The following GCC2 variants were observed in gnomAD, a reference collection of about 807,000 sequenced individuals.
GCC2 encodes GRIP and coiled-coil domain containing 2.
Under a neutral mutation model 210.6 loss-of-function variants are expected in GCC2, and 120 were observed. The ratio of observed to expected loss-of-function variants is 0.57; its 90% CI spans 0.49 to 0.66. The LOEUF (loss-of-function observed/expected upper bound fraction) is 0.66. Ranked by LOEUF, GCC2 falls within the 30% of genes least tolerant of loss-of-function variation. The pLI, the probability that GCC2 is intolerant of heterozygous loss-of-function variation, is 0.00. For missense variants in GCC2, 1,868 were observed against 1,871.9 expected (o/e 1.00, Z 0.04); for synonymous variants, 703 against 652.7 (o/e 1.08, Z -1.17).
In GCC2 at chr2:108,452,481, G is replaced by C; in HGVS notation, c.216+15G>C. ...ATATTATTAAGGTAATTATTACGTTGGGAAATGTCTAAAGAGAAATAAAAT... is the reference window on the plus strand; with the variant it reads ...ATATTATTAAGGTAATTATTACGTTCGGAAATGTCTAAAGAGAAATAAAAT... On this transcript the variant is annotated intron_variant, in intron 4 of 22. Transcript: ENST00000309863. 1 of 1,419,014 alleles carries C rather than the reference G, an allele frequency of 7.0e-7. No homozygotes were observed. The highest frequency in any genetic ancestry group is 1.2e-5 in the South Asian group (1 of 86,256). The allele number at this position is 1,419,014 out of a possible 1,614,324, so 87.9% of individuals were successfully genotyped here.
chr2:108,475,411 A>T (rs997485531), intron 7 of GCC2, 124 bp from the exon 8 acceptor site: 1 of 514,820 alleles, frequency 1.9e-6, no homozygotes, highest in Admixed American at 3.8e-5. Flanking sequence ...TACTGTTTTT[A>T]CTGCTTATTT....
rs116082728 is a variant in GCC2 at position 108,506,814 on chromosome 2, G to A, written c.4985-746G>A. Among the ~76,000 whole-genome samples, 794 of 151,992 alleles carry A rather than the reference G, an allele frequency of 5.2e-3. 2 individuals are homozygous for A. Among genetic ancestry groups the A allele is most frequent in the Middle Eastern group, 0.031 (9 of 294 alleles). ...TAATGGAGAAAGACAAATAATGTTCGAGAACAGACATTGATTCATAACATC... is the reference window on the plus strand; with the variant it reads ...TAATGGAGAAAGACAAATAATGTTCAAGAACAGACATTGATTCATAACATC... On this transcript the variant is annotated intron_variant, in intron 22 of 22. Transcript: ENST00000309863.
At position 108,471,463 on chromosome 2, in the gene GCC2, T is replaced by C; in HGVS notation, c.2134T>C (p.Leu712=). Residue 712 remains leucine, a synonymous_variant, in exon 6 of 23, where the codon TTG becomes CTG. Coordinates refer to ENST00000309863, the MANE Select transcript of GCC2 (RefSeq NM_181453.4). ...GTTGAGTAGGGATTTGGAGGTTTTTTTGTCTCAAAAAGAAGATGTTATCCT... is the reference window on the plus strand; with the variant it reads ...GTTGAGTAGGGATTTGGAGGTTTTTCTGTCTCAAAAAGAAGATGTTATCCT... ...KQLSRDLEVF[L]SQKEDVILKE... The C allele has an allele frequency of 6.2e-7, 1 of 1,610,212 alleles. No individual in the cohort carries two copies. The highest frequency in any genetic ancestry group is 1.3e-5 in the African/African-American group (1 of 74,780).
chr2:108,483,099 A>T lies in GCC2; in HGVS notation c.3383A>T (p.Gln1128Leu). ...ATTVNELEEL[Q>L]VQLQKQKKQL... ...ACTGTAAATGAACTTGAAGAACTTC[A>T]GGTACAACTTCAAAAGCAAAAGAAA... is the stretch of plus-strand genomic sequence containing the variant. The change falls in exon 12 of 23, where the codon CAG becomes CTG. Residue 1128 changes from glutamine (Q) to leucine (L), a missense_variant. Gln to Leu is a moderately radical substitution (Grantham distance 113). Coordinates refer to ENST00000309863, the MANE Select transcript of GCC2 (RefSeq NM_181453.4). 6.3e-7 allele frequency: 1 copy of T among 1,594,774 alleles called. No homozygotes were observed. The highest frequency in any genetic ancestry group is 1.3e-5 in the African/African-American group (1 of 74,602).
intron 4 of GCC2, among the ~76,000 whole-genome samples, chr2:108,456,175 TG>T (rs1680266221): frequency 6.6e-6 from 1 of 152,068 alleles, no homozygotes; most frequent in South Asian, 2.1e-4. Flanking sequence ...TTAGTAGAGA[TG>T]GGGTTTCACC....
At position 108,497,123 on chromosome 2, in the gene GCC2, A is replaced by G; in HGVS notation, c.4782+14A>G. The G allele has an allele frequency of 6.2e-7, 1 of 1,611,020 alleles. No individual in the cohort carries two copies. The highest frequency in any genetic ancestry group is 8.5e-7 in the Non-Finnish European group (1 of 1,179,128). On this transcript the variant is annotated intron_variant, in intron 21 of 22. Transcript: ENST00000309863. ...GAGCAAATTAAGGTGAGATCAGAAA[A>G]CCTGGCCGCCGTGAAAACCGCCAGT...
At chr2:108,506,895 TG>T (rs1381717189) in intron 22 of GCC2, among the ~76,000 whole-genome samples, 1 of 152,144 alleles carries the variant, frequency 6.6e-6, no homozygotes, top group Admixed American at 6.5e-5. Context: ...TCTTATGTGC[TG>T]GTAGGATTGT....
In GCC2 at chr2:108,451,119, G is replaced by C; in HGVS notation, c.148+7G>C. On this transcript the variant is annotated splice_region_variant and intron_variant, in intron 3 of 22. Transcript: ENST00000309863. ...GCTAAATCAAGGTGTACAGGTATTG[G>C]GTTGAAAATACTCATCTTGATCACA... 1 of 1,546,982 alleles carries C rather than the reference G, an allele frequency of 6.5e-7. No homozygotes were observed. Among genetic ancestry groups the C allele is most frequent in the Non-Finnish European group, 8.9e-7 (1 of 1,122,072 alleles).
At chr2:108,476,626 T>C (rs1681541160) in intron 9 of GCC2, among the ~76,000 whole-genome samples, 1 of 152,090 alleles carries the variant, frequency 6.6e-6, no homozygotes, top group Non-Finnish European at 1.5e-5. Context: ...AAATGTATTA[T>C]TAAAAAGATA....
At position 108,472,047 on chromosome 2, in the gene GCC2, T is replaced by C; in HGVS notation, c.2718T>C (p.His906=). The C allele has an allele frequency of 1.9e-6, 3 of 1,590,784 alleles. No homozygotes were observed. The highest frequency in any genetic ancestry group is 2.6e-6 in the Non-Finnish European group (3 of 1,173,654). The part of the protein sequence containing the change: ...NEKEKCFIKE[H]ENLKPLLEQK... ...AAGAAAAATGTTTTATAAAGGAACA[T>C]GAAAACCTAAAGCCACTACTAGAAC... Residue 906 remains histidine, a synonymous_variant, in exon 6 of 23, where the codon CAT becomes CAC. Coordinates refer to ENST00000309863, the MANE Select transcript of GCC2 (RefSeq NM_181453.4).
Position 108,466,337 on chromosome 2 carries a change from G to A in GCC2, c.217-2643G>A, listed in dbSNP as rs961405405. Among the ~76,000 whole-genome samples, 20 of 150,976 alleles carry A rather than the reference G, an allele frequency of 1.3e-4. No individual in the cohort carries two copies. In the South Asian group the frequency reaches 2.3e-3, roughly 18 times the overall value. On this transcript the variant is annotated intron_variant, in intron 4 of 22. Transcript: ENST00000309863. ...ATTACAGGCATCAGCCACCACACCCGGCCAACATCCATTTTCTTAATGGGC... is the reference window on the plus strand; with the variant it reads ...ATTACAGGCATCAGCCACCACACCCAGCCAACATCCATTTTCTTAATGGGC...
chr2:108,472,085 G>A lies in GCC2; in HGVS notation c.2756G>A (p.Arg919Gln), dbSNP rs751461574. Residue 919 changes from arginine to glutamine, a missense_variant, in exon 6 of 23, where the codon CGA (arginine) becomes CAA (glutamine). Physicochemically the swap from Arg to Gln is conservative, Grantham distance 43. This residue lies in a region of GCC2 where 1,847 missense variants were observed against 1,765.2 expected (regional missense o/e 1.05). Coordinates refer to ENST00000309863, the MANE Select transcript of GCC2 (RefSeq NM_181453.4). The part of the protein sequence containing the change: ...LKPLLEQKEL[R>Q]DRRAELILLK... ...CCACTACTAGAACAAAAAGAATTAC[G>A]AGATAGGAGAGCAGAGTTGATACTA... 10 of 1,559,306 alleles carry A rather than the reference G, an allele frequency of 6.4e-6. No homozygotes were observed. The highest frequency in any genetic ancestry group is 2.8e-5 in the African/African-American group (2 of 72,126).
At chr2:108,449,393 C>G in intron 1 of GCC2, 113 bp downstream of exon 1, 6 of 1,466,248 alleles carry the variant, frequency 4.1e-6, no homozygotes, top group Non-Finnish European at 5.5e-6. Flanking sequence ...GTCCCGAAGC[C>G]CGCGCTGCTG....
chr2:108,462,541 TGTCACAAAGACTTC>T (rs147126919), intron 4 of GCC2: 41,923 of 128,996 alleles, frequency 0.32, 9,383 homozygotes, highest in East Asian at 0.9. Flanking sequence ...GAGTTGCATA[TGTCACAAAGACTTC>T]GCTTCTTTTT....
chr2:108,463,432 A>G (rs1480359618), intron 4 of GCC2, among the ~76,000 whole-genome samples: 2 of 152,164 alleles, frequency 1.3e-5, no homozygotes, highest in Non-Finnish European at 2.9e-5. Flanking sequence ...AGGTGGGTGC[A>G]ATAGCATAGG....
In GCC2 at chr2:108,470,481, G is replaced by A. The variant is rs1681137453; in HGVS notation, c.1152G>A (p.Glu384=). 6.2e-7 allele frequency: 1 copy of A among 1,609,150 alleles called. No homozygotes were observed. Among genetic ancestry groups the A allele is most frequent in the Admixed American group, 1.7e-5 (1 of 59,776 alleles). Residue 384 remains glutamate (E), a synonymous_variant, in exon 6 of 23, where the codon GAG becomes GAA. Coordinates refer to ENST00000309863, the MANE Select transcript of GCC2 (RefSeq NM_181453.4). ...DEFFHEREDL[E]FKINELLLAK... is the part of the protein sequence containing the mutation. ...TTTTTCATGAACGGGAAGACTTAGAGTTTAAAATTAATGAATTATTACTAG... is the reference window on the plus strand; with the variant it reads ...TTTTTCATGAACGGGAAGACTTAGAATTTAAAATTAATGAATTATTACTAG...
At chr2:108,465,240 A>G (rs1266190760) in intron 4 of GCC2, among the ~76,000 whole-genome samples, 1 of 152,160 alleles carries the variant, frequency 6.6e-6, no homozygotes, top group African/African-American at 2.4e-5. Flanking sequence ...TATGTATGTA[A>G]TTATCTACTC....
chr2:108,502,351 C>T (rs1212675835), intron 22 of GCC2, among the ~76,000 whole-genome samples: 2 of 151,950 alleles, frequency 1.3e-5, no homozygotes, highest in Non-Finnish European at 2.9e-5. Flanking sequence ...AGTTAAGGGT[C>T]CATTGATTTA....
intron 9 of GCC2, among the ~76,000 whole-genome samples, chr2:108,480,534 A>G (rs1327348750): frequency 6.6e-6 from 1 of 152,208 alleles, no homozygotes; most frequent in African/African-American, 2.4e-5. Flanking sequence ...GATAAAGAAA[A>G]TTGGTATATA....
Sources: allele counts gnomAD v4.1 joint callset (sites outside exome capture counted in the v4.1 genomes callset), GRCh38; gene constraint gnomAD v4.1.1; regional missense constraint gnomAD v4.1.1; transcripts MANE v1.5; gene names NCBI Gene and HGNC (gene_info 2026-07-23, HGNC 2026-07-21).